Variants in ZNF85 observed in about 807,000 individuals in gnomAD.
ZNF85 encodes the protein zinc finger protein 85.
In ZNF85, 50 loss-of-function variants were observed where a neutral mutation model predicts 53.9. The ratio of observed to expected loss-of-function variants is 0.93; its 90% confidence interval spans 0.74 to 1.17. The LOEUF (loss-of-function observed/expected upper bound fraction) is 1.17, where lower values mean the gene tolerates loss of function less well. Among genes scored for constraint, ZNF85 ranks in the 50% most tolerant of loss-of-function variants. The probability of loss-of-function intolerance (pLI) is 0.00; values close to 1 mark genes in which losing one functional copy is unlikely to be tolerated. For synonymous variants in ZNF85, 225 were observed against 226.1 expected (o/e 1.00, Z 0.04); for missense variants, 747 against 688.5 (o/e 1.08, Z -0.95).
Position 20,934,984 on chromosome 19 carries a change from C to G in ZNF85, c.166C>G (p.Leu56Val). ...TVSKPDLITC[L>V]EQGKEAWSMK... Reference sequence around the variant, plus strand: ...TTCTAAGCCAGACCTGATCACTTGTCTGGAGCAAGGGAAAGAGGCCTGGAG... The same window carrying G: ...TTCTAAGCCAGACCTGATCACTTGTGTGGAGCAAGGGAAAGAGGCCTGGAG... Residue 56 changes from leucine (L) to valine (V), a missense_variant, in exon 3 of 4, where the codon CTG becomes GTG. Coordinates refer to ENST00000328178, the MANE Select transcript of ZNF85 (RefSeq NM_003429.5). 1 of 1,611,312 alleles carries G rather than the reference C, an allele frequency of 6.2e-7. No individual in the cohort carries two copies. The highest frequency in any genetic ancestry group is 8.5e-7 in the Non-Finnish European group (1 of 1,178,698).
chr19:20,934,202 C>A lies in ZNF85; in HGVS notation c.130+52C>A, dbSNP rs774054051. ...CTAATATGCCCTAAAGGTTTTATTT[C>A]TTTTATTTGTGGAATGTTTTTCTGG... On this transcript the variant is annotated intron_variant, in intron 2 of 3. Coordinates refer to ENST00000328178, the MANE Select transcript of ZNF85 (RefSeq NM_003429.5). 22 of 1,565,340 alleles carry A rather than the reference C, an allele frequency of 1.4e-5. No individual in the cohort carries two copies. The East Asian group carries it at 2.8e-4, about 20-fold the overall frequency.
chr19:20,943,109 T>C (rs192037530), intron 3 of ZNF85: 1 of 396,342 alleles, frequency 2.5e-6, no homozygotes, highest in Non-Finnish European at 4.4e-6. Context: ...TTGTTATGTG[T>C]CCTAACAGAA....
chr19:20,931,620 C>CTTTTTTTTTT (rs1156835317), intron 1 of ZNF85, among the ~76,000 whole-genome samples: 6 of 119,462 alleles, frequency 5.0e-5, no homozygotes, highest in Admixed American at 9.0e-5. Flanking sequence ...TTTTCTTTTT[C>CTTTTTTTTTT]TTTTTTTTTT....
chr19:20,945,972 T>C (rs1973409392), intron 3 of ZNF85, among the ~76,000 whole-genome samples: 1 of 152,200 alleles, frequency 6.6e-6, no homozygotes, highest in African/African-American at 2.4e-5. Flanking sequence ...TTCAGCTTTA[T>C]ACTTATACCA....
intron 1 of ZNF85, among the ~76,000 whole-genome samples, chr19:20,931,989 A>G (rs1973033600): frequency 6.6e-6 from 1 of 152,152 alleles, no homozygotes; most frequent in African/African-American, 2.4e-5. Context: ...AAAGTGAAAC[A>G]TATTTTGATA....
At chr19:20,943,861 AG>A (rs1437411281) in intron 3 of ZNF85, 6 of 152,328 alleles carry the variant, frequency 3.9e-5, no homozygotes, top group African/African-American at 1.4e-4. Context: ...GTATAATATC[AG>A]TCTTTGTCTC....
rs1426139753 is a variant in ZNF85, at chr19:20,923,300, TTG to T, written c.-97_-96del. The T allele has an allele frequency of 6.3e-7, 1 of 1,577,446 alleles. No homozygotes were observed. The highest frequency in any genetic ancestry group is 1.3e-5 in the African/African-American group (1 of 74,080). On this transcript the variant is annotated 5_prime_UTR_variant, in exon 1 of 4. Transcript: ENST00000328178. The stretch of plus-strand genomic sequence containing the variant: ...AGCTCTAGGTCTTGTTTTCCCTGCT[TTG>T]TGTTTTCTGCTCGTGGACGCCCAGC...
At chr19:20,932,030 C>T (rs1466939510) in intron 1 of ZNF85, among the ~76,000 whole-genome samples, 1 of 152,170 alleles carries the variant, frequency 6.6e-6, no homozygotes, top group Non-Finnish European at 1.5e-5. Flanking sequence ...TCCTGAATCT[C>T]TTCCATTATA....
chr19:20,946,592 A>C (rs73019300), intron 3 of ZNF85, among the ~76,000 whole-genome samples: 68 of 151,548 alleles, frequency 4.5e-4, no homozygotes, highest in Admixed American at 6.6e-4. Flanking sequence ...ACACACACAC[A>C]CCCCACAAAT....
rs750859774 is a variant in ZNF85 at position 20,946,437 on chromosome 19, C to CT, written c.230-2298dup. 1,742 of 300,046 alleles carry CT rather than the reference C, an allele frequency of 5.8e-3. 9 individuals are homozygous for CT. The highest frequency in any genetic ancestry group is 6.2e-3 in the Non-Finnish European group (976 of 156,982). 18.6% of individuals were successfully genotyped at this position (300,046 alleles called of 1,614,324 possible). A position where few individuals can be genotyped will look rare whatever the true frequency, so the allele number is the denominator to read the frequency against. On this transcript the variant is annotated intron_variant, in intron 3 of 3. Coordinates refer to ENST00000328178, the MANE Select transcript of ZNF85 (RefSeq NM_003429.5). ...AAGTTACCTGTTGCCTTCTAATATT[C>CT]TTTTTTTTTATTATTATAGAAAGTA...
intron 1 of ZNF85, chr19:20,927,401 T>A (rs1040391095): frequency 6.6e-6 from 1 of 151,500 alleles, no homozygotes. Flanking sequence ...TGTTGTGAGC[T>A]GTTATCACGC....
chr19:20,930,644 A>G (rs909299684), intron 1 of ZNF85, among the ~76,000 whole-genome samples: 1 of 152,246 alleles, frequency 6.6e-6, no homozygotes, highest in African/African-American at 2.4e-5. Context: ...CCTGCTTAAT[A>G]TATCTTGCAT....
intron 1 of ZNF85, among the ~76,000 whole-genome samples, chr19:20,931,002 C>T (rs1015947420): frequency 3.9e-5 from 6 of 152,102 alleles, no homozygotes; most frequent in South Asian, 2.1e-4. Flanking sequence ...CTCAAACTCC[C>T]GACCTCTGGT....
intron 1 of ZNF85, among the ~76,000 whole-genome samples, chr19:20,930,120 CAAAAAAAAAAAAA>C (rs57832039): frequency 3.8e-5 from 3 of 79,262 alleles, no homozygotes; most frequent in Non-Finnish European, 6.8e-5. Context: ...GACTCCGTCC[CAAAAAAAAAAAAA>C]AAAAAAAAAG....
intron 3 of ZNF85, chr19:20,946,262 T>TA (rs1248367514): frequency 1.1e-5 from 4 of 375,454 alleles, no homozygotes; most frequent in African/African-American, 4.3e-5. Flanking sequence ...ATTTTAGTTC[T>TA]AAAAAATTTG....
intron 1 of ZNF85, among the ~76,000 whole-genome samples, chr19:20,932,615 T>C (rs1170944795): frequency 6.6e-6 from 1 of 152,100 alleles, no homozygotes; most frequent in African/African-American, 2.4e-5. Flanking sequence ...TATTCTCCAT[T>C]ACCTCTGTGC....
intron 1 of ZNF85, chr19:20,927,989 C>G (rs975956749): frequency 1.3e-5 from 2 of 150,124 alleles, no homozygotes; most frequent in Non-Finnish European, 3.0e-5. Context: ...TCATTTTTCC[C>G]CACCTCTTTT....
At chr19:20,945,334 A>G (rs1450561289) in intron 3 of ZNF85, among the ~76,000 whole-genome samples, 2 of 152,146 alleles carry the variant, frequency 1.3e-5, no homozygotes, top group African/African-American at 4.8e-5. Flanking sequence ...TTCCTTGTCT[A>G]AGGTTGTAAC....
chr19:20,926,706 C>T (rs193090393), intron 1 of ZNF85: 1 of 152,270 alleles, frequency 6.6e-6, no homozygotes, highest in East Asian at 1.9e-4. Flanking sequence ...GCTCCAAAGC[C>T]TTGGAAAGCT....
Sources: gnomAD v4.1 joint callset for allele counts (sites outside exome capture counted in the v4.1 genomes callset) on GRCh38, gnomAD v4.1.1 for gene constraint, MANE v1.5 for transcripts, NCBI Gene and HGNC (gene_info 2026-07-23, HGNC 2026-07-21) for gene names.